DIS3L2: variants seen among roughly 807,000 people sequenced by gnomAD.
DIS3L2 encodes DIS3-like exonuclease 2.
In DIS3L2, 34 loss-of-function variants were observed where a neutral mutation model predicts 97.5. The observed-to-expected ratio is 0.35, with a 90% confidence interval of 0.27 to 0.46. The LOEUF is 0.46. Among genes scored for constraint, DIS3L2 ranks in the 20% least tolerant of loss-of-function variants. DIS3L2 has a pLI of 1.00. For synonymous variants in DIS3L2, 435 were observed against 445.2 expected, an observed-to-expected ratio of 0.98 and a Z score of 0.29; for missense variants, 1,038 against 1,146.0, an observed-to-expected ratio of 0.91 and a Z score of 1.36.
chr2:232,241,110 C>T (rs1421249140), intron 11 of DIS3L2, among the ~76,000 whole-genome samples: 2 of 152,236 alleles, frequency 1.3e-5, no homozygotes, highest in Non-Finnish European at 2.9e-5. Flanking sequence ...CCTTGGACAG[C>T]AGCAGCTGTG....
At chr2:232,280,925 G>C (rs1437567750) in intron 13 of DIS3L2, among the ~76,000 whole-genome samples, 1 of 152,224 alleles carries the variant, frequency 6.6e-6, no homozygotes, top group Non-Finnish European at 1.5e-5. Context: ...GCAGTTGAGA[G>C]CAGCCTGGAA....
rs1315491358 is a variant in DIS3L2 at position 232,016,548 on chromosome 2, A to G, written c.210+877A>G. Reference sequence around the variant, plus strand: ...CCCTCGTGGTAGGTATTGAGGGTCTAGTTTGGGCCTATCAGATGAGTGATA... The same window carrying G: ...CCCTCGTGGTAGGTATTGAGGGTCTGGTTTGGGCCTATCAGATGAGTGATA... On this transcript the variant is annotated intron_variant, in intron 3 of 20. Coordinates refer to ENST00000325385, the MANE Select transcript of DIS3L2 (RefSeq NM_152383.5). 2.6e-5 allele frequency among the ~76,000 whole-genome samples: 4 copies of G among 152,036 alleles called. No individual in the cohort carries two copies. The East Asian group carries it at 7.7e-4, about 29-fold the overall frequency.
chr2:232,101,834 A>G (rs187025757), intron 6 of DIS3L2, among the ~76,000 whole-genome samples: 3 of 152,378 alleles, frequency 2.0e-5, no homozygotes, highest in Admixed American at 2.0e-4. Flanking sequence ...AATACAGGTT[A>G]AACATTCATA....
intron 1 of DIS3L2, among the ~76,000 whole-genome samples, chr2:231,996,271 T>C (rs907238928): frequency 6.6e-6 from 1 of 152,242 alleles, no homozygotes; most frequent in African/African-American, 2.4e-5. Context: ...TTATGCTGTC[T>C]TATTTTAATA....
At chr2:231,984,576 G>C (rs1693358037) in intron 1 of DIS3L2, among the ~76,000 whole-genome samples, 1 of 150,410 alleles carries the variant, frequency 6.6e-6, no homozygotes, top group East Asian at 2.0e-4. Context: ...TGTATTTTTA[G>C]TAGAGACGGG....
chr2:231,979,722 C>CA (rs1693196897), intron 1 of DIS3L2, among the ~76,000 whole-genome samples: 1 of 151,976 alleles, frequency 6.6e-6, no homozygotes, highest in East Asian at 1.9e-4. Context: ...GGATTACAGG[C>CA]ACCTGCCACC....
At chr2:232,049,639 A>G (rs1695346346) in intron 5 of DIS3L2, among the ~76,000 whole-genome samples, 1 of 152,190 alleles carries the variant, frequency 6.6e-6, no homozygotes, top group African/African-American at 2.4e-5. Flanking sequence ...AAAACCTGAG[A>G]CACAGGTTTT....
intron 6 of DIS3L2, among the ~76,000 whole-genome samples, chr2:232,124,154 CT>C (rs1697988328): frequency 6.6e-6 from 1 of 152,046 alleles, no homozygotes; most frequent in Non-Finnish European, 1.5e-5. Flanking sequence ...TCATCACAGT[CT>C]AAAAAATGTC....
chr2:232,111,942 A>G (rs1404797768), intron 6 of DIS3L2, among the ~76,000 whole-genome samples: 1 of 152,212 alleles, frequency 6.6e-6, no homozygotes, highest in East Asian at 1.9e-4. Flanking sequence ...TGAACCTTGG[A>G]TCAACTGACT....
chr2:232,075,508 G>A (rs1303647419), intron 5 of DIS3L2, among the ~76,000 whole-genome samples: 8 of 152,102 alleles, frequency 5.3e-5, no homozygotes. Context: ...GTAGACACTT[G>A]GCCCTGAGTC....
intron 15 of DIS3L2, 108 bp from the exon 16 acceptor site, chr2:232,330,582 A>C: frequency 8.8e-6 from 10 of 1,134,504 alleles, no homozygotes; most frequent in Middle Eastern, 2.1e-4. Flanking sequence ...CCCCACAGGC[A>C]ACTCCTCCCC....
At chr2:232,017,653 A>G (rs1453084630) in intron 3 of DIS3L2, among the ~76,000 whole-genome samples, 1 of 151,430 alleles carries the variant, frequency 6.6e-6, no homozygotes, top group Admixed American at 6.6e-5. Context: ...TCCTCCATTC[A>G]CCCTGAGCCT....
intron 6 of DIS3L2, among the ~76,000 whole-genome samples, chr2:232,107,628 G>A (rs936700997): frequency 1.3e-5 from 2 of 152,162 alleles, no homozygotes; most frequent in Admixed American, 1.3e-4. Context: ...AAATCCAGGA[G>A]GTGTAGGATA....
rs190337490 is a variant in DIS3L2 at position 232,238,074 on chromosome 2, G to A, written c.1205-459G>A. The stretch of plus-strand genomic sequence containing the variant: ...TGGAGGGCCAGGTGAGGGGGGCACA[G>A]AGGCGAGGTAGGGCAGCCAGGTGTG... On this transcript the variant is annotated intron_variant, in intron 10 of 20. Coordinates refer to ENST00000325385, the MANE Select transcript of DIS3L2 (RefSeq NM_152383.5). 3.8e-3 allele frequency among the ~76,000 whole-genome samples: 579 copies of A among 152,278 alleles called. 2 individuals carry two copies. Among genetic ancestry groups the A allele is most frequent in the Admixed American group, 0.011 (171 of 15,302 alleles).
At chr2:232,161,557 A>C (rs1288371338) in intron 8 of DIS3L2, among the ~76,000 whole-genome samples, 1 of 151,824 alleles carries the variant, frequency 6.6e-6, no homozygotes. Context: ...TGCAACCTCC[A>C]TTTCCTGGAT....
chr2:232,209,285 C>G (rs577707285), intron 9 of DIS3L2, among the ~76,000 whole-genome samples: 1 of 152,148 alleles, frequency 6.6e-6, no homozygotes, highest in Non-Finnish European at 1.5e-5. Flanking sequence ...AAGACAGGGT[C>G]TCGCTCTATT....
intron 1 of DIS3L2, among the ~76,000 whole-genome samples, chr2:231,971,369 C>T (rs771814864): frequency 6.6e-6 from 1 of 151,900 alleles, no homozygotes; most frequent in African/African-American, 2.4e-5. Flanking sequence ...ACCTCTGCCT[C>T]CCGGGTTCAA....
intron 14 of DIS3L2, among the ~76,000 whole-genome samples, chr2:232,306,961 C>T (rs928000864): frequency 2.0e-5 from 3 of 152,258 alleles, no homozygotes; most frequent in Admixed American, 6.5e-5. Flanking sequence ...CCCAGAACCC[C>T]GTGCCCACCC....
intron 8 of DIS3L2, among the ~76,000 whole-genome samples, chr2:232,158,531 C>T (rs1042644682): frequency 1.3e-5 from 2 of 152,168 alleles, no homozygotes; most frequent in African/African-American, 4.8e-5. Context: ...CCCTAACTTT[C>T]AGTCTTAGAA....
Sources: gnomAD v4.1 joint callset for allele counts (sites outside exome capture counted in the v4.1 genomes callset) on GRCh38, gnomAD v4.1.1 for gene constraint, MANE v1.5 for transcripts, NCBI Gene and HGNC (gene_info 2026-07-23, HGNC 2026-07-21) for gene names.